The following GALNT2 variants were observed in gnomAD, a reference collection of about 807,000 sequenced individuals.
The protein encoded by GALNT2 is polypeptide N-acetylgalactosaminyltransferase 2, also known as UDP-GalNAc:polypeptide N-acetylgalactosaminyltransferase 2.
Under a neutral mutation model 81.4 loss-of-function variants are expected in GALNT2, and 31 were observed. The ratio of observed to expected loss-of-function variants is 0.38; its 90% CI spans 0.29 to 0.51. GALNT2 has a LOEUF of 0.51. Among genes scored for constraint, GALNT2 ranks in the 20% least tolerant of loss-of-function variants. GALNT2 has a pLI of 0.87. For missense variants in GALNT2, 629 were observed against 765.7 expected, an observed-to-expected ratio of 0.82 and a Z score of 2.11; for synonymous variants, 303 against 287.4, an observed-to-expected ratio of 1.05 and a Z score of -0.55.
intron 14 of GALNT2, among the ~76,000 whole-genome samples, chr1:230,270,003 C>A (rs1037490777): frequency 4.6e-5 from 7 of 152,116 alleles, no homozygotes; most frequent in Admixed American, 4.6e-4. Context: ...AGTTCGAGAC[C>A]AGCCTGGCCA....
chr1:230,177,849 T>G (rs1371192369), intron 1 of GALNT2, among the ~76,000 whole-genome samples: 2 of 152,238 alleles, frequency 1.3e-5, no homozygotes, highest in African/African-American at 2.4e-5. Flanking sequence ...TTTAATGGCT[T>G]TAATTTAACC....
At chr1:230,129,911 G>T (rs542681893) in intron 1 of GALNT2, among the ~76,000 whole-genome samples, 1 of 152,326 alleles carries the variant, frequency 6.6e-6, no homozygotes, top group East Asian at 1.9e-4. Flanking sequence ...TCCTGGCTCC[G>T]CAGAGCAGGC....
chr1:230,191,164 G>A (rs937355769), intron 2 of GALNT2, among the ~76,000 whole-genome samples: 2 of 152,166 alleles, frequency 1.3e-5, no homozygotes, highest in African/African-American at 2.4e-5. Flanking sequence ...TTTATTAGTC[G>A]AAATACAGTG....
intron 3 of GALNT2, among the ~76,000 whole-genome samples, chr1:230,213,787 A>G (rs1049192521): frequency 6.6e-6 from 1 of 152,216 alleles, no homozygotes; most frequent in African/African-American, 2.4e-5. Context: ...GTAGAGCCTA[A>G]TGTAAATGAA....
intron 1 of GALNT2, among the ~76,000 whole-genome samples, chr1:230,156,208 A>AGG (rs1330977791): frequency 5.7e-5 from 2 of 34,880 alleles, no homozygotes; most frequent in African/African-American, 1.2e-4. Flanking sequence ...GGAGCAGACG[A>AGG]GGGAGAGAGA....
At chr1:230,262,699 G>T (rs3811485) in intron 12 of GALNT2, 34 bp downstream of exon 12, 78 of 1,460,094 alleles carry the variant, frequency 5.3e-5, no homozygotes, top group African/African-American at 7.1e-5. Flanking sequence ...ACAATTACTG[G>T]GGATTCTTGG....
chr1:230,093,503 G>A (rs914196526), intron 1 of GALNT2, among the ~76,000 whole-genome samples: 1 of 152,214 alleles, frequency 6.6e-6, no homozygotes, highest in African/African-American at 2.4e-5. Flanking sequence ...TCGGCTGCGG[G>A]CTGTGTTCCC....
chr1:230,210,277 A>C (rs1664195857), intron 3 of GALNT2, among the ~76,000 whole-genome samples: 1 of 152,256 alleles, frequency 6.6e-6, no homozygotes, highest in Non-Finnish European at 1.5e-5. Context: ...ATGTAAAATG[A>C]AATCAACCTT....
chr1:230,232,344 A>G (rs1365924012), intron 3 of GALNT2, among the ~76,000 whole-genome samples: 1 of 152,220 alleles, frequency 6.6e-6, no homozygotes, highest in Non-Finnish European at 1.5e-5. Flanking sequence ...GATGAATTTT[A>G]ATAAAATGAT....
chr1:230,140,605 G>A (rs1197992352), intron 1 of GALNT2, among the ~76,000 whole-genome samples: 1 of 152,244 alleles, frequency 6.6e-6, no homozygotes, highest in African/African-American at 2.4e-5. Flanking sequence ...GCTTCCTGGA[G>A]TGACGCGCTG....
intron 2 of GALNT2, among the ~76,000 whole-genome samples, chr1:230,184,284 G>A (rs533000724): frequency 2.6e-4 from 39 of 151,810 alleles, no homozygotes; most frequent in African/African-American, 9.4e-4. Flanking sequence ...TGCCTTCTAG[G>A]TTCATGCCAT....
chr1:230,225,968 C>A (rs1664696905), intron 3 of GALNT2, among the ~76,000 whole-genome samples: 1 of 152,196 alleles, frequency 6.6e-6, no homozygotes, highest in Non-Finnish European at 1.5e-5. Context: ...TTTTCATAAG[C>A]TCCATGAATG....
At position 230,275,092 on chromosome 1, in the gene GALNT2, T is replaced by C. The variant is rs1158802800; in HGVS notation, c.1560+528T>C. Among the ~76,000 whole-genome samples, 1 of 149,870 alleles carries C rather than the reference T, an allele frequency of 6.7e-6. No homozygotes were observed. The highest frequency in any genetic ancestry group is 1.5e-5 in the Non-Finnish European group (1 of 67,446). On this transcript the variant is annotated intron_variant, in intron 15 of 15. Transcript: ENST00000366672. The surrounding 1 kb of genome is among the most constrained non-coding windows in gnomAD (Gnocchi z 5.5). ...TATATATATACACACCACATATATA[T>C]ACATGTATACACACCACATATATAT...
intron 14 of GALNT2, among the ~76,000 whole-genome samples, chr1:230,269,930 G>C (rs574101489): frequency 2.3e-4 from 35 of 152,194 alleles, no homozygotes; most frequent in Middle Eastern, 6.8e-3. Context: ...GGCCGGGCAC[G>C]GTGGCTCACG....
In GALNT2 at chr1:230,279,682, G is replaced by GC; in HGVS notation, c.*229dup. 1 of 600,562 alleles carries GC rather than the reference G, an allele frequency of 1.7e-6. No individual in the cohort carries two copies. The allele number at this position is 600,562 out of a possible 1,614,324, so 37.2% of individuals were successfully genotyped here. On this transcript the variant is annotated 3_prime_UTR_variant, in exon 16 of 16. Coordinates refer to ENST00000366672, the MANE Select transcript of GALNT2 (RefSeq NM_004481.5). The surrounding 1 kb of genome is among the most constrained non-coding windows in gnomAD (Gnocchi z 4.6). Reference sequence around the variant, plus strand: ...CCTCCTCTCGGTGCAGCCCAGCCGGGCCCCCTTCCCCAGGCCGGAGCGCCC... The same window carrying GC: ...CCTCCTCTCGGTGCAGCCCAGCCGGGCCCCCCTTCCCCAGGCCGGAGCGCCC...
At chr1:230,060,702 T>A (rs1305499447) in intron 1 of GALNT2, among the ~76,000 whole-genome samples, 9 of 152,228 alleles carry the variant, frequency 5.9e-5, no homozygotes, top group African/African-American at 2.2e-4. Flanking sequence ...GCGATGGTTG[T>A]AAGATGGTGA....
intron 14 of GALNT2, among the ~76,000 whole-genome samples, chr1:230,266,562 T>C (rs960046126): frequency 6.6e-5 from 10 of 152,320 alleles, no homozygotes; most frequent in African/African-American, 1.7e-4. Context: ...CCCAAGTGAG[T>C]GTCCAGGCAG....
intron 1 of GALNT2, among the ~76,000 whole-genome samples, chr1:230,074,790 TTTC>T (rs1659484441): frequency 1.3e-5 from 2 of 152,240 alleles, no homozygotes; most frequent in Non-Finnish European, 2.9e-5. Context: ...AGCCCTTTTA[TTTC>T]TTCTAGTGTA....
intron 3 of GALNT2, among the ~76,000 whole-genome samples, chr1:230,217,870 G>T (rs938715618): frequency 6.6e-6 from 1 of 152,170 alleles, no homozygotes; most frequent in African/African-American, 2.4e-5. Context: ...CCTCTTAAAG[G>T]TTCTGTCACC....
Sources: gnomAD v4.1 joint callset for allele counts (sites outside exome capture counted in the v4.1 genomes callset) on GRCh38, gnomAD v4.1.1 for gene constraint, Gnocchi (gnomAD v3.1) non-coding constraint, MANE v1.5 for transcripts, NCBI Gene and HGNC (gene_info 2026-07-23, HGNC 2026-07-21) for gene names.